KAT6A: variants seen among roughly 807,000 people sequenced by gnomAD.
KAT6A encodes the protein lysine acetyltransferase 6A.
Under a neutral mutation model 198.4 loss-of-function variants are expected in KAT6A, and 9 were observed. The observed-to-expected ratio is 0.05, with a 90% CI of 0.03 to 0.08. The LOEUF (loss-of-function observed/expected upper bound fraction) is 0.08, where lower values mean the gene tolerates loss of function less well. KAT6A is among the 10% of genes least tolerant of loss of function. KAT6A has a pLI of 1.00. For missense variants in KAT6A, 2,077 were observed against 2,509.9 expected, an observed-to-expected ratio of 0.83 and a Z score of 3.69; for synonymous variants, 890 against 883.0, an observed-to-expected ratio of 1.01 and a Z score of -0.14.
intron 3 of KAT6A, among the ~76,000 whole-genome samples, chr8:41,982,366 C>A (rs1177154162): frequency 6.6e-6 from 1 of 152,002 alleles, no homozygotes; most frequent in African/African-American, 2.4e-5. Context: ...GAAAACTGAG[C>A]TATATATATC....
At chr8:42,051,644 C>T (rs1215817972) in intron 1 of KAT6A, among the ~76,000 whole-genome samples, 1 of 144,706 alleles carries the variant, frequency 6.9e-6, no homozygotes, top group African/African-American at 2.5e-5. Flanking sequence ...CGGGGCCGGG[C>T]GGCGGCGCGC....
At position 41,934,622 on chromosome 8, in the gene KAT6A, G is replaced by A. The variant is rs757615366; in HGVS notation, c.3598C>T (p.Arg1200Cys). ...EPIVSIPKAG[R>C]KPKIQESEET... ...TCACTCTCCTGGATCTTGGGTTTAC[G>A]TCCAGCTTTAGGAATGGAAACGATG... Residue 1200 changes from arginine to cysteine, a missense_variant, in exon 17 of 17, where the codon CGT becomes TGT. Around this residue, in one of 13 missense-constraint regions of KAT6A, gnomAD observed 375 missense variants for 383.0 expected, o/e 0.98. Transcript: ENST00000265713. The A allele has an allele frequency of 2.3e-5, 37 of 1,613,982 alleles. No homozygotes were observed. Among genetic ancestry groups the A allele is most frequent in the Admixed American group, 6.7e-5 (4 of 59,998 alleles).
chr8:42,017,636 G>C (rs1826339186), intron 2 of KAT6A, among the ~76,000 whole-genome samples: 1 of 152,190 alleles, frequency 6.6e-6, no homozygotes, highest in Non-Finnish European at 1.5e-5. Context: ...AGGGACTACA[G>C]TGTGCTGGAA....
intron 2 of KAT6A, among the ~76,000 whole-genome samples, chr8:42,014,606 C>G (rs79420922): frequency 0.016 from 2,466 of 152,128 alleles, 61 homozygotes; most frequent in African/African-American, 0.054. Context: ...TAAGGGGCAG[C>G]AGGTTACAGC....
intron 2 of KAT6A, among the ~76,000 whole-genome samples, chr8:42,045,517 G>A (rs1802187390): frequency 2.0e-5 from 3 of 147,520 alleles, no homozygotes; most frequent in African/African-American, 5.1e-5. Flanking sequence ...AGCCAAGATC[G>A]TGCCACTGCA....
At chr8:42,003,951 G>A (rs931088224) in intron 2 of KAT6A, among the ~76,000 whole-genome samples, 4 of 152,156 alleles carry the variant, frequency 2.6e-5, no homozygotes, top group Admixed American at 2.0e-4. Flanking sequence ...TTCCAGAATT[G>A]TAAGAAAACA....
chr8:41,947,683 T>C, intron 11 of KAT6A, 68 bp downstream of exon 11: 1 of 1,312,728 alleles, frequency 7.6e-7, no homozygotes, highest in Non-Finnish European at 1.1e-6. Flanking sequence ...TGTCCCCGAG[T>C]GAGAACCAGC....
chr8:41,935,948 T>C (rs1218901369), intron 16 of KAT6A, among the ~76,000 whole-genome samples: 4 of 152,246 alleles, frequency 2.6e-5, no homozygotes, highest in South Asian at 2.1e-4. Context: ...AAAGAACACA[T>C]TCATCTTATC....
chr8:42,023,602 C>T (rs1401851135), intron 2 of KAT6A, among the ~76,000 whole-genome samples: 3 of 151,858 alleles, frequency 2.0e-5, no homozygotes, highest in Non-Finnish European at 4.4e-5. Context: ...ATCCTCCCAC[C>T]TCAGCCTCCC....
At chr8:42,018,217 G>T (rs991582003) in intron 2 of KAT6A, among the ~76,000 whole-genome samples, 2 of 152,120 alleles carry the variant, frequency 1.3e-5, no homozygotes, top group African/African-American at 4.8e-5. Flanking sequence ...ACAGAAAATT[G>T]TTCCTAGTGG....
chr8:41,977,320 C>CTTTTGA lies in KAT6A; in HGVS notation c.1045_1050dup (p.Ser349_Lys350dup). 1 of 1,611,060 alleles carries CTTTTGA rather than the reference C, an allele frequency of 6.2e-7. No homozygotes were observed. Among genetic ancestry groups the CTTTTGA allele is most frequent in the Non-Finnish European group, 8.5e-7 (1 of 1,178,072 alleles). On this transcript the variant is annotated inframe_insertion, in exon 7 of 17. Transcript: ENST00000265713. ...CCAGTTCGAACTTTGCTGAAGGGAC[C>CTTTTGA]TTTTGATCTAAACAATTAAACAGGG...
At chr8:41,961,487 G>T (rs924747974) in intron 8 of KAT6A, among the ~76,000 whole-genome samples, 3 of 152,118 alleles carry the variant, frequency 2.0e-5, no homozygotes, top group African/African-American at 7.2e-5. Context: ...GGGCATGGTG[G>T]CTCACCCCTG....
Position 41,934,264 on chromosome 8 carries a change from T to C in KAT6A, c.3956A>G (p.Glu1319Gly). The C allele has an allele frequency of 6.2e-7, 1 of 1,614,222 alleles. No individual in the cohort carries two copies. The highest frequency in any genetic ancestry group is 1.3e-5 in the African/African-American group (1 of 75,058). ...AQNDDHDADD[E>G]DDGHLESTKK... ...TGTGGACTCCAGGTGGCCATCATCCTCATCATCAGCGTCGTGGTCGTCATT... is the reference window on the plus strand; with the variant it reads ...TGTGGACTCCAGGTGGCCATCATCCCCATCATCAGCGTCGTGGTCGTCATT... The change falls in exon 17 of 17, where the codon GAG becomes GGG. Residue 1319 changes from glutamate to glycine, a missense_variant. This residue lies in a region of KAT6A where 375 missense variants were observed against 383.0 expected (regional missense o/e 0.98). Coordinates refer to ENST00000265713, the MANE Select transcript of KAT6A (RefSeq NM_006766.5).
Position 41,931,345 on chromosome 8 carries a change from T to C in KAT6A, c.*860A>G, listed in dbSNP as rs1396452437. ...TAATCTCCTCTTTTTGATTGTTAAT[T>C]GACCATCTCTATTCCTCCAAAGGCT... On this transcript the variant is annotated 3_prime_UTR_variant, in exon 17 of 17. Coordinates refer to ENST00000265713, the MANE Select transcript of KAT6A (RefSeq NM_006766.5). 1 of 217,650 alleles carries C rather than the reference T, an allele frequency of 4.6e-6. No individual in the cohort carries two copies. Among genetic ancestry groups the C allele is most frequent in the Non-Finnish European group, 9.3e-6 (1 of 108,076 alleles). The allele number at this position is 217,650 out of a possible 1,614,324, so 13.5% of individuals were successfully genotyped here. A position where few individuals can be genotyped will look rare whatever the true frequency, so the allele number is the denominator to read the frequency against.
intron 8 of KAT6A, among the ~76,000 whole-genome samples, chr8:41,962,318 C>CT (rs1208874700): frequency 6.6e-6 from 1 of 151,962 alleles, no homozygotes; most frequent in Non-Finnish European, 1.5e-5. Context: ...TTGATATCCC[C>CT]TCTCACATCA....
In KAT6A at chr8:42,001,755, T is replaced by G. The variant is rs78636295; in HGVS notation, c.601-14192A>C. Among the ~76,000 whole-genome samples, 1,200 of 152,206 alleles carry G rather than the reference T, an allele frequency of 7.9e-3. 25 individuals carry two copies. Among genetic ancestry groups the G allele is most frequent in the African/African-American group, 0.027 (1,122 of 41,536 alleles). Reference sequence around the variant, plus strand: ...TGTACAGATCTTGAGAAGAATGAAATTCTCCTACAACAAGGAATAGGGGCT... The same window carrying G: ...TGTACAGATCTTGAGAAGAATGAAAGTCTCCTACAACAAGGAATAGGGGCT... On this transcript the variant is annotated intron_variant, in intron 2 of 16. Transcript: ENST00000265713.
intron 10 of KAT6A, among the ~76,000 whole-genome samples, chr8:41,948,862 GCTA>G (rs1319739201): frequency 2.0e-5 from 3 of 151,932 alleles, no homozygotes; most frequent in Admixed American, 6.6e-5. Flanking sequence ...GATCAAGAGC[GCTA>G]CTAACAGCAA....
intron 8 of KAT6A, 107 bp downstream of exon 8, chr8:41,974,597 G>T: frequency 1.5e-6 from 1 of 677,788 alleles, no homozygotes; most frequent in Non-Finnish European, 2.6e-6. Flanking sequence ...CAACTATTCT[G>T]AGATTAGGCA....
At position 41,946,541 on chromosome 8, in the gene KAT6A, CAG is replaced by C. The variant is rs772684274; in HGVS notation, c.1996+48_1996+49del. On this transcript the variant is annotated intron_variant, in intron 12 of 16. Transcript: ENST00000265713. ...ACACACACACACACACACACACACA[CAG>C]AGAAGGTCCACTGGAAAAGACCAAT... 4.7e-5 allele frequency: 41 copies of C among 872,758 alleles called. No individual in the cohort carries two copies. The East Asian group carries it at 9.9e-4, about 21-fold the overall frequency. 54.1% of individuals were successfully genotyped at this position (872,758 alleles called of 1,614,324 possible).
Sources: gnomAD v4.1 joint callset for allele counts (sites outside exome capture counted in the v4.1 genomes callset) on GRCh38, gnomAD v4.1.1 for gene constraint, gnomAD v4.1.1 regional missense constraint, MANE v1.5 for transcripts, NCBI Gene and HGNC (gene_info 2026-07-23, HGNC 2026-07-21) for gene names.